Variants in SHISA9 observed in about 807,000 individuals in gnomAD.
The protein encoded by SHISA9 is shisa family member 9.
SHISA9 carries 13 observed loss-of-function variants against 38.0 expected under a neutral mutation model. The ratio of observed to expected loss-of-function variants is 0.34; its 90% CI spans 0.22 to 0.54. SHISA9 has a LOEUF of 0.54. Among genes scored for constraint, SHISA9 ranks in the 20% least tolerant of loss-of-function variants. SHISA9 has a pLI of 0.91. For missense variants in SHISA9, 538 were observed against 575.8 expected (o/e 0.93, Z 0.67); for synonymous variants, 275 against 242.0 (o/e 1.14, Z -1.27).
At chr16:13,369,345 C>T in the SHISA9 span, among the ~76,000 whole-genome samples, 2 of 151,936 alleles carry the variant, frequency 1.3e-5, no homozygotes, top group East Asian at 3.9e-4. Flanking sequence ...AACATGTGTT[C>T]AGTCTAGGAG....
chr16:13,484,905 A>T, the SHISA9 span, among the ~76,000 whole-genome samples: 3 of 152,116 alleles, frequency 2.0e-5, no homozygotes, highest in African/African-American at 4.8e-5. Context: ...CTCCTCCAAC[A>T]CTGGGGCCTA....
intron 2 of SHISA9, among the ~76,000 whole-genome samples, chr16:12,928,832 A>C (rs7186500): frequency 0.11 from 16,648 of 152,302 alleles, 1,114 homozygotes; most frequent in African/African-American, 0.19. Flanking sequence ...ATCAAGTCAA[A>C]GAATGTCATC....
the SHISA9 span, among the ~76,000 whole-genome samples, chr16:13,529,421 A>C: frequency 6.6e-6 from 1 of 152,118 alleles, no homozygotes; most frequent in Non-Finnish European, 1.5e-5. Flanking sequence ...AAATTAAAGG[A>C]CCTCTAAACC....
chr16:13,487,963 G>A, the SHISA9 span, among the ~76,000 whole-genome samples: 2 of 152,166 alleles, frequency 1.3e-5, no homozygotes, highest in Non-Finnish European at 2.9e-5. Flanking sequence ...CTCTTTTAAA[G>A]CAAGGGATCT....
At chr16:12,986,216 T>C (rs945787885) in intron 2 of SHISA9, among the ~76,000 whole-genome samples, 4 of 152,208 alleles carry the variant, frequency 2.6e-5, no homozygotes, top group South Asian at 2.1e-4. Context: ...AGTATTTCCA[T>C]AGTGGGTATT....
At chr16:13,149,800 C>T (rs575291780) in intron 2 of SHISA9, among the ~76,000 whole-genome samples, 4 of 151,258 alleles carry the variant, frequency 2.6e-5, no homozygotes, top group South Asian at 4.2e-4. Context: ...TGGTGGGTGC[C>T]GGCAATCACA....
chr16:13,181,516 A>T (rs1169602043), intron 2 of SHISA9, among the ~76,000 whole-genome samples: 1 of 151,412 alleles, frequency 6.6e-6, no homozygotes, highest in Non-Finnish European at 1.5e-5. Context: ...GTGTCTGGAG[A>T]AGTTGGTAGG....
chr16:12,920,081 G>C (rs1428575546), intron 2 of SHISA9, among the ~76,000 whole-genome samples: 1 of 152,102 alleles, frequency 6.6e-6, no homozygotes, highest in East Asian at 1.9e-4. Flanking sequence ...GAAGACGTGA[G>C]TGAGGGGCTG....
At chr16:13,474,644 A>T in the SHISA9 span, among the ~76,000 whole-genome samples, 1 of 152,196 alleles carries the variant, frequency 6.6e-6, no homozygotes, top group Non-Finnish European at 1.5e-5. Flanking sequence ...AAAATAGAAG[A>T]CTGTGAACAA....
chr16:13,231,682 T>C (rs926497096), intron 4 of SHISA9, among the ~76,000 whole-genome samples: 3 of 152,216 alleles, frequency 2.0e-5, no homozygotes, highest in African/African-American at 7.2e-5. Flanking sequence ...CAAGTTAATA[T>C]GTGGCTTCCT....
intron 2 of SHISA9, among the ~76,000 whole-genome samples, chr16:13,059,123 T>A (rs933977803): frequency 6.0e-5 from 1 of 16,690 alleles, no homozygotes; most frequent in Non-Finnish European, 1.0e-4. Flanking sequence ...AACTCTATCT[T>A]TTTTTTTTTT....
intron 2 of SHISA9, among the ~76,000 whole-genome samples, chr16:12,938,504 CT>C (rs796212447): frequency 1.4e-4 from 21 of 149,384 alleles, no homozygotes; most frequent in African/African-American, 2.7e-4. Context: ...CTCTCTCTCT[CT>C]TTTTTTTTTG....
At chr16:13,019,348 G>A (rs2072794574) in intron 2 of SHISA9, among the ~76,000 whole-genome samples, 1 of 152,108 alleles carries the variant, frequency 6.6e-6, no homozygotes, top group African/African-American at 2.4e-5. Flanking sequence ...CAAGATCAAG[G>A]TTCCGGCAGA....
chr16:13,265,545 C>A, the SHISA9 span, among the ~76,000 whole-genome samples: 1 of 131,212 alleles, frequency 7.6e-6, no homozygotes, highest in Admixed American at 7.8e-5. Context: ...TTCCCTTCCC[C>A]GCCCTTCCCT....
At chr16:12,925,259 G>C (rs1452662629) in intron 2 of SHISA9, among the ~76,000 whole-genome samples, 1 of 152,136 alleles carries the variant, frequency 6.6e-6, no homozygotes, top group Admixed American at 6.5e-5. Flanking sequence ...GGATGGAGCA[G>C]CTGTCCTGTT....
chr16:13,279,060 C>T, the SHISA9 span, among the ~76,000 whole-genome samples: 1 of 151,966 alleles, frequency 6.6e-6, no homozygotes, highest in Non-Finnish European at 1.5e-5. Flanking sequence ...TATAAACTTT[C>T]CTCTTTGCAC....
At chr16:13,243,337 G>A (rs1202530107), downstream of SHISA9, among the ~76,000 whole-genome samples, 2 of 152,172 alleles carry the variant, frequency 1.3e-5, no homozygotes, top group African/African-American at 2.4e-5. Flanking sequence ...GCCCAGGGTG[G>A]TTGGGGTGTA....
At chr16:13,177,685 G>A (rs1024283682) in intron 2 of SHISA9, among the ~76,000 whole-genome samples, 6 of 151,552 alleles carry the variant, frequency 4.0e-5, no homozygotes, top group African/African-American at 1.5e-4. Flanking sequence ...TGTTTGTTTT[G>A]TTGAGACAGA....
At chr16:13,429,061 C>G in the SHISA9 span, among the ~76,000 whole-genome samples, 1 of 152,110 alleles carries the variant, frequency 6.6e-6, no homozygotes, top group African/African-American at 2.4e-5. Flanking sequence ...GCCACCAAAC[C>G]CAGCTAAATT....
Sources: gnomAD v4.1 joint callset for allele counts (sites outside exome capture counted in the v4.1 genomes callset) on GRCh38, gnomAD v4.1.1 for gene constraint, MANE v1.5 for transcripts, NCBI Gene and HGNC (gene_info 2026-07-23, HGNC 2026-07-21) for gene names.